FAM171B: variants seen among roughly 807,000 people sequenced by gnomAD.
The protein encoded by FAM171B is family with sequence similarity 171 member B.
Under a neutral mutation model 75.6 loss-of-function variants are expected in FAM171B, and 19 were observed. The ratio of observed to expected loss-of-function variants is 0.25; its 90% confidence interval spans 0.18 to 0.37. The LOEUF (loss-of-function observed/expected upper bound fraction) is 0.37. Ranked by LOEUF, FAM171B falls within the 10% of genes least tolerant of loss-of-function variation. The pLI is 1.00. For synonymous variants in FAM171B, 367 were observed against 361.7 expected (o/e 1.01, Z -0.17); for missense variants, 848 against 982.4 (o/e 0.86, Z 1.83).
intron 1 of FAM171B, among the ~76,000 whole-genome samples, chr2:186,732,439 G>A (rs915600315): frequency 3.3e-5 from 5 of 152,192 alleles, no homozygotes; most frequent in Non-Finnish European, 5.9e-5. Context: ...TGGGTCTGCA[G>A]CCACCTCAGT....
At chr2:186,698,789 T>A (rs934148917) in intron 1 of FAM171B, among the ~76,000 whole-genome samples, 1 of 152,148 alleles carries the variant, frequency 6.6e-6, no homozygotes, top group African/African-American at 2.4e-5. Flanking sequence ...CCACTCCCAA[T>A]ACCCTTCCCA....
intron 3 of FAM171B, among the ~76,000 whole-genome samples, chr2:186,744,034 G>A (rs2105787229): frequency 6.6e-6 from 1 of 152,250 alleles, no homozygotes; most frequent in South Asian, 2.1e-4. Flanking sequence ...CCTCACTTGT[G>A]TATCCCAAGG....
chr2:186,761,107 A>T lies in FAM171B; in HGVS notation c.1013-6A>T. The T allele has an allele frequency of 1.1e-5, 17 of 1,604,002 alleles. No individual in the cohort carries two copies. Among genetic ancestry groups the T allele is most frequent in the Non-Finnish European group, 1.4e-5 (17 of 1,175,654 alleles). On this transcript the variant is annotated splice_polypyrimidine_tract_variant and splice_region_variant and intron_variant, in intron 6 of 7. Coordinates refer to ENST00000304698, the MANE Select transcript of FAM171B (RefSeq NM_177454.4). ...ATTTTCTCTTTGTTTATATTGAACC[A>T]TGTAGGTTCAGGTATAAATGAAGAT... is the stretch of plus-strand genomic sequence containing the variant.
chr2:186,761,386 G>A (rs976210412), intron 7 of FAM171B, 93 bp from the exon 8 acceptor site: 1 of 1,434,046 alleles, frequency 7.0e-7, no homozygotes, highest in Non-Finnish European at 9.4e-7. Context: ...CAATAGCATT[G>A]CATGTATGAT....
intron 4 of FAM171B, among the ~76,000 whole-genome samples, chr2:186,748,755 A>G (rs560027691): frequency 6.6e-6 from 1 of 152,118 alleles, no homozygotes; most frequent in Non-Finnish European, 1.5e-5. Flanking sequence ...CAAATAAACT[A>G]TTTGCCCTCA....
At chr2:186,718,266 G>A (rs1012770000) in intron 1 of FAM171B, among the ~76,000 whole-genome samples, 5 of 152,244 alleles carry the variant, frequency 3.3e-5, no homozygotes, top group East Asian at 3.9e-4. Flanking sequence ...TGTCACACAC[G>A]GCTCAACCTT....
chr2:186,744,274 T>G (rs1690334848), intron 3 of FAM171B, among the ~76,000 whole-genome samples: 1 of 152,178 alleles, frequency 6.6e-6, no homozygotes. Flanking sequence ...ATAACAGGAA[T>G]GACTGATAAA....
chr2:186,699,059 G>A (rs374601476), intron 1 of FAM171B, among the ~76,000 whole-genome samples: 4 of 152,228 alleles, frequency 2.6e-5, no homozygotes, highest in South Asian at 4.1e-4. Context: ...TCCAAATATT[G>A]GCGATTGTGA....
intron 1 of FAM171B, among the ~76,000 whole-genome samples, chr2:186,727,972 C>A (rs1490051825): frequency 1.3e-5 from 2 of 152,038 alleles, no homozygotes; most frequent in African/African-American, 2.4e-5. Context: ...GGGTAGAGAG[C>A]AAACTAGGCC....
chr2:186,730,721 C>T (rs890197810), intron 1 of FAM171B, among the ~76,000 whole-genome samples: 1 of 152,084 alleles, frequency 6.6e-6, no homozygotes, highest in Non-Finnish European at 1.5e-5. Flanking sequence ...GATTAGAAAA[C>T]GTTTTAGAAA....
At chr2:186,747,063 CTT>C (rs1331032847) in intron 3 of FAM171B, 27 bp from the exon 4 acceptor site, 1 of 1,522,534 alleles carries the variant, frequency 6.6e-7, no homozygotes, top group African/African-American at 1.4e-5. Context: ...GCCTTTATCT[CTT>C]TGTTAATGAG....
At chr2:186,718,383 AC>A (rs1689903163) in intron 1 of FAM171B, among the ~76,000 whole-genome samples, 1 of 152,040 alleles carries the variant, frequency 6.6e-6, no homozygotes, top group Non-Finnish European at 1.5e-5. Flanking sequence ...TTTTTCTAAA[AC>A]TTTTGTGCTT....
Position 186,729,583 on chromosome 2 carries a change from A to G in FAM171B, c.239-10645A>G, listed in dbSNP as rs537818428. Among the ~76,000 whole-genome samples, 91 of 152,302 alleles carry G rather than the reference A, an allele frequency of 6.0e-4. 1 individual carries two copies. In the Middle Eastern group the frequency reaches 0.01, roughly 17 times the overall value. ...AGTCATAAGCAGCTAATTCTTTATA[A>G]CTTTTCCTTTTACTTGAAATAGAAA... On this transcript the variant is annotated intron_variant, in intron 1 of 7. Transcript: ENST00000304698.
intron 1 of FAM171B, among the ~76,000 whole-genome samples, chr2:186,696,774 T>C (rs901781770): frequency 2.6e-5 from 4 of 152,106 alleles, no homozygotes; most frequent in Non-Finnish European, 5.9e-5. Flanking sequence ...GACCTTTTCC[T>C]GACCAGGTGT....
intron 1 of FAM171B, among the ~76,000 whole-genome samples, chr2:186,716,320 T>C (rs755002346): frequency 6.6e-6 from 1 of 152,192 alleles, no homozygotes; most frequent in African/African-American, 2.4e-5. Context: ...GGCCTCTCTC[T>C]CTTTTAAGAA....
intron 2 of FAM171B, among the ~76,000 whole-genome samples, chr2:186,742,351 T>A (rs1690300982): frequency 6.6e-6 from 1 of 152,202 alleles, no homozygotes; most frequent in Non-Finnish European, 1.5e-5. Context: ...GCCTTACTTA[T>A]AATCACCTTG....
At chr2:186,738,573 C>T (rs1690238771) in intron 1 of FAM171B, among the ~76,000 whole-genome samples, 2 of 152,056 alleles carry the variant, frequency 1.3e-5, no homozygotes, top group South Asian at 4.2e-4. Context: ...GATAGAAGTT[C>T]TCACTCTGGT....
rs1690608437 is a variant in FAM171B at position 186,761,135 on chromosome 2, C to T, written c.1035C>T (p.Ser345=). ...TAGGTTCAGGTATAAATGAAGATTC[C>T]AAGGACATAACTGCCTACCACACAG... ...GTRGSGINED[S]KDITAYHTVF... is the part of the protein sequence containing the mutation. Residue 345 remains serine (S), a synonymous_variant, in exon 7 of 8, where the codon TCC becomes TCT. Transcript: ENST00000304698. The T allele has an allele frequency of 6.2e-7, 1 of 1,609,458 alleles. No homozygotes were observed. The highest frequency in any genetic ancestry group is 8.5e-7 in the Non-Finnish European group (1 of 1,177,948).
At chr2:186,738,732 A>T (rs1690243508) in intron 1 of FAM171B, among the ~76,000 whole-genome samples, 1 of 152,194 alleles carries the variant, frequency 6.6e-6, no homozygotes, top group Admixed American at 6.5e-5. Flanking sequence ...TTAGTGAAAC[A>T]CAATAAAAAT....
Sources: allele counts gnomAD v4.1 joint callset (sites outside exome capture counted in the v4.1 genomes callset), GRCh38; gene constraint gnomAD v4.1.1; transcripts MANE v1.5; gene names NCBI Gene and HGNC (gene_info 2026-07-23, HGNC 2026-07-21).